The following BEST3 variants were observed in gnomAD, a reference collection of about 807,000 sequenced individuals.
BEST3 encodes bestrophin-3.
In BEST3, 50 loss-of-function variants were observed where a neutral mutation model predicts 47.1. That is an observed-to-expected ratio of 1.06 (90% confidence interval 0.85 to 1.34). The LOEUF (loss-of-function observed/expected upper bound fraction) is 1.34. Among genes scored for constraint, BEST3 ranks in the 40% most tolerant of loss-of-function variants. The pLI is 0.00. For synonymous variants in BEST3, 282 were observed against 298.8 expected, an observed-to-expected ratio of 0.94 and a Z score of 0.58; for missense variants, 765 against 817.0, an observed-to-expected ratio of 0.94 and a Z score of 0.78.
intron 9 of BEST3, among the ~76,000 whole-genome samples, chr12:69,659,352 C>A (rs190705026): frequency 2.0e-5 from 3 of 152,176 alleles, no homozygotes; most frequent in African/African-American, 7.2e-5. Flanking sequence ...AAATAGAATA[C>A]GTATATATTT....
At chr12:69,677,790 A>G (rs75845708) in intron 5 of BEST3, among the ~76,000 whole-genome samples, 2,191 of 152,278 alleles carry the variant, frequency 0.014, 54 homozygotes, top group African/African-American at 0.049. Flanking sequence ...ATTTCCAAAA[A>G]AAAAGGACTT....
intron 4 of BEST3, among the ~76,000 whole-genome samples, chr12:69,686,800 A>G (rs1465326964): frequency 8.4e-6 from 1 of 119,164 alleles, no homozygotes. Context: ...GAAAGAAAAG[A>G]AAAAAAGAAA....
At chr12:69,658,734 G>A (rs1180729909) in intron 9 of BEST3, among the ~76,000 whole-genome samples, 1 of 152,230 alleles carries the variant, frequency 6.6e-6, no homozygotes, top group African/African-American at 2.4e-5. Flanking sequence ...CCAGGTGAAA[G>A]AAGTGACTTG....
At chr12:69,670,397 G>A in intron 9 of BEST3, 1 of 699,112 alleles carries the variant, frequency 1.4e-6, no homozygotes, top group Admixed American at 2.0e-5. Flanking sequence ...CAAATCTCCT[G>A]GCTCCTAAAT....
Position 69,672,909 on chromosome 12 carries a change from G to T in BEST3, c.924C>A (p.Asn308Lys), listed in dbSNP as rs1448352267. 6 of 1,613,072 alleles carry T rather than the reference G, an allele frequency of 3.7e-6. No homozygotes were observed. The highest frequency in any genetic ancestry group is 5.1e-6 in the Non-Finnish European group (6 of 1,179,642). ...CCTGCAAATTTCTGTCAATGCACCA[G>T]TTAGTTTCAAAATCATCATCATCTT... ...FGEDDDDFET[N>K]WCIDRNLQVS... The change falls in exon 8 of 10, where the codon AAC becomes AAA. Residue 308 changes from asparagine to lysine, a missense_variant. Asn to Lys is a moderately conservative substitution (Grantham distance 94). Coordinates refer to ENST00000330891, the MANE Select transcript of BEST3 (RefSeq NM_032735.3).
chr12:69,688,065 A>G (rs1447484719), intron 4 of BEST3, among the ~76,000 whole-genome samples: 1 of 152,196 alleles, frequency 6.6e-6, no homozygotes, highest in African/African-American at 2.4e-5. Context: ...ATAATTTCCT[A>G]TTACATATCA....
At chr12:69,687,916 T>C (rs1885726662) in intron 4 of BEST3, among the ~76,000 whole-genome samples, 1 of 152,210 alleles carries the variant, frequency 6.6e-6, no homozygotes, top group African/African-American at 2.4e-5. Flanking sequence ...GGGACCATAT[T>C]TGTTCTGCTT....
At chr12:69,644,726 A>G (rs1231242428) in intron 9 of BEST3, among the ~76,000 whole-genome samples, 1 of 152,208 alleles carries the variant, frequency 6.6e-6, no homozygotes, top group Non-Finnish European at 1.5e-5. Flanking sequence ...GTTGTTAGGC[A>G]TGTAAGTACA....
intron 1 of BEST3, among the ~76,000 whole-genome samples, chr12:69,698,463 CA>C (rs1886214573): frequency 1.3e-5 from 2 of 150,152 alleles, no homozygotes; most frequent in Non-Finnish European, 3.0e-5. Flanking sequence ...CACTTTTCAC[CA>C]AGACATTAAA....
At chr12:69,657,350 C>A (rs1258657535) in intron 9 of BEST3, among the ~76,000 whole-genome samples, 1 of 152,110 alleles carries the variant, frequency 6.6e-6, no homozygotes, top group Non-Finnish European at 1.5e-5. Flanking sequence ...CCCACCTTGC[C>A]CTCCCAAAGT....
At chr12:69,693,355 C>G (rs930694468) in intron 4 of BEST3, among the ~76,000 whole-genome samples, 3 of 151,404 alleles carry the variant, frequency 2.0e-5, no homozygotes, top group Non-Finnish European at 4.4e-5. Context: ...CCTCCGCCTC[C>G]CGGGTTCAAG....
rs1413083121 is a variant in BEST3 at position 69,678,792 on chromosome 12, C to A, written c.583G>T (p.Ala195Ser). Residue 195 changes from alanine to serine, a missense_variant, in exon 5 of 10, where the codon GCC becomes TCC. By Grantham distance (99) the Ala-to-Ser change is moderately conservative. Transcript: ENST00000330891. ...FIWFGNLATK[A>S]RNEGRIRDSV... The stretch of plus-strand genomic sequence containing the variant: ...TCTCTGATTCTACCTTCATTCCGGG[C>A]TTTAGTTGCAAGATTTCCAAACCAG... 1.5e-5 allele frequency: 25 copies of A among 1,613,964 alleles called. No individual in the cohort carries two copies. Among genetic ancestry groups the A allele is most frequent in the Non-Finnish European group, 2.1e-5 (25 of 1,179,988 alleles).
At chr12:69,644,224 T>G (rs1227568559) in intron 9 of BEST3, among the ~76,000 whole-genome samples, 1 of 152,220 alleles carries the variant, frequency 6.6e-6, no homozygotes, top group East Asian at 1.9e-4. Context: ...GAAACGCAAC[T>G]CTGCTAATTG....
At position 69,677,235 on chromosome 12, in the gene BEST3, C is replaced by T; in HGVS notation, c.659G>A (p.Trp220Ter). The T allele has an allele frequency of 6.2e-7, 1 of 1,613,116 alleles. No individual in the cohort carries two copies. The highest frequency in any genetic ancestry group is 1.1e-5 in the South Asian group (1 of 90,864). Residue 220 changes from tryptophan (W) to a stop codon, truncating the protein, a stop_gained, in exon 6 of 10, where the codon TGG (tryptophan) becomes TAG (stop). Coordinates refer to ENST00000330891, the MANE Select transcript of BEST3 (RefSeq NM_032735.3). LOFTEE classifies it high-confidence loss of function. Reference sequence around the variant, plus strand: ...GTCATAACCGAATAAGAGGCTGCACCAAGAGCGGTATCGATTCATTTCCTA... The same window carrying T: ...GTCATAACCGAATAAGAGGCTGCACTAAGAGCGGTATCGATTCATTTCCTA... ...LMTEMNRYRS[W>*]CSLLFGYDWV...
chr12:69,682,542 G>GT (rs1316411831), intron 4 of BEST3, among the ~76,000 whole-genome samples: 1 of 150,902 alleles, frequency 6.6e-6, no homozygotes, highest in African/African-American at 2.4e-5. Flanking sequence ...TTTGTTGTTT[G>GT]TTTTTTAAAG....
At chr12:69,665,762 C>T (rs981993566) in intron 9 of BEST3, among the ~76,000 whole-genome samples, 3 of 152,100 alleles carry the variant, frequency 2.0e-5, no homozygotes, top group African/African-American at 7.2e-5. Context: ...CTATTTACCC[C>T]ATCAATTCAG....
At chr12:69,677,127 A>G in intron 6 of BEST3, 53 bp downstream of exon 6, 1 of 1,613,480 alleles carries the variant, frequency 6.2e-7, no homozygotes, top group Non-Finnish European at 8.5e-7. Context: ...GCGAAGCTAC[A>G]GTGCCAAGGT....
intron 9 of BEST3, among the ~76,000 whole-genome samples, chr12:69,645,845 G>C (rs534698777): frequency 1.1e-3 from 165 of 152,090 alleles, no homozygotes; most frequent in Middle Eastern, 3.4e-3. Flanking sequence ...TCACCATTTA[G>C]GTCAATTTTC....
intron 9 of BEST3, 139 bp downstream of exon 9, chr12:69,671,289 C>T (rs1884552400): frequency 1.2e-6 from 1 of 855,610 alleles, no homozygotes; most frequent in Non-Finnish European, 1.7e-6. Context: ...TGCAGCCTCC[C>T]CAAGTAGCTA....
Sources: gnomAD v4.1 joint callset for allele counts (sites outside exome capture counted in the v4.1 genomes callset) on GRCh38, gnomAD v4.1.1 for gene constraint, MANE v1.5 for transcripts, NCBI Gene and HGNC (gene_info 2026-07-23, HGNC 2026-07-21) for gene names.